Variants in FSTL4 observed in about 807,000 individuals in gnomAD.
FSTL4 encodes follistatin-related protein 4.
A neutral mutation model predicts 78.2 loss-of-function variants in FSTL4; 28 were observed. The ratio of observed to expected loss-of-function variants is 0.36; its 90% confidence interval spans 0.27 to 0.49. The LOEUF (loss-of-function observed/expected upper bound fraction) is 0.49. FSTL4 is among the 20% of genes least tolerant of loss of function. The pLI, the probability that FSTL4 is intolerant of heterozygous loss-of-function variation, is 0.98. For missense variants in FSTL4, 922 were observed against 1,084.9 expected (o/e 0.85, Z 2.11); for synonymous variants, 422 against 440.5 (o/e 0.96, Z 0.53).
chr5:133,813,236 A>G, the FSTL4 span, among the ~76,000 whole-genome samples: 1 of 152,278 alleles, frequency 6.6e-6, no homozygotes, highest in African/African-American at 2.4e-5. Context: ...AAAAAAATAA[A>G]CGTGAAATAA....
At chr5:133,799,643 G>A in the FSTL4 span, among the ~76,000 whole-genome samples, 3 of 138,646 alleles carry the variant, frequency 2.2e-5, 1 homozygote, top group East Asian at 5.9e-4. Flanking sequence ...CCCCCAGCAG[G>A]AGATGGTTGT....
At chr5:133,838,643 C>A in the FSTL4 span, among the ~76,000 whole-genome samples, 1 of 151,236 alleles carries the variant, frequency 6.6e-6, no homozygotes, top group Admixed American at 6.6e-5. Context: ...CTCCCTGTAA[C>A]TTGCTACCAC....
chr5:133,635,041 G>T, the FSTL4 span, among the ~76,000 whole-genome samples: 1 of 151,452 alleles, frequency 6.6e-6, no homozygotes, highest in Non-Finnish European at 1.5e-5. Context: ...TCCTCTACTT[G>T]GCATTTTATT....
chr5:133,712,098 G>C, the FSTL4 span, among the ~76,000 whole-genome samples: 1 of 152,172 alleles, frequency 6.6e-6, no homozygotes, highest in East Asian at 1.9e-4. Context: ...ACAACCAGAA[G>C]GATGAGCTAT....
chr5:133,222,181 C>G (rs545804732), intron 11 of FSTL4, among the ~76,000 whole-genome samples: 1 of 152,132 alleles, frequency 6.6e-6, no homozygotes, highest in East Asian at 1.9e-4. Context: ...GGCAGGAGGG[C>G]TCCTGCCACC....
chr5:133,233,313 G>A, intron 8 of FSTL4, 104 bp downstream of exon 8: 1 of 1,262,794 alleles, frequency 7.9e-7, no homozygotes, highest in Non-Finnish European at 1.1e-6. Flanking sequence ...TTTGGGGTTA[G>A]ATATTTCTTT....
chr5:133,648,554 A>G, the FSTL4 span, among the ~76,000 whole-genome samples: 1 of 152,160 alleles, frequency 6.6e-6, no homozygotes, highest in Non-Finnish European at 1.5e-5. Context: ...TGGTACATCC[A>G]ACACAATTCT....
In FSTL4 at chr5:133,455,368, C is replaced by G. The variant is rs550041920; in HGVS notation, c.161-54382G>C. On this transcript the variant is annotated intron_variant, in intron 3 of 15. Transcript: ENST00000265342. ...AATAATAGGCAAGGAAACGCTGAAC[C>G]CATAAGAATGAATGAGAGCATTTCT... Among the ~76,000 whole-genome samples the G allele has an allele frequency of 7.9e-5, 12 of 152,148 alleles. 1 individual carries two copies. The highest frequency in any genetic ancestry group is 2.6e-4 in the Admixed American group (4 of 15,292).
intron 3 of FSTL4, among the ~76,000 whole-genome samples, chr5:133,409,388 T>C (rs1404408056): frequency 6.6e-6 from 1 of 152,204 alleles, no homozygotes; most frequent in Non-Finnish European, 1.5e-5. Context: ...TTCTCCTCCT[T>C]CTGGGAGCCC....
At chr5:133,463,239 C>T (rs558170087) in intron 3 of FSTL4, among the ~76,000 whole-genome samples, 1 of 152,286 alleles carries the variant, frequency 6.6e-6, no homozygotes, top group Non-Finnish European at 1.5e-5. Flanking sequence ...TTTGCAGGGC[C>T]TAATCCTTGG....
intron 2 of FSTL4, among the ~76,000 whole-genome samples, chr5:133,582,834 T>C (rs1360455266): frequency 6.6e-6 from 1 of 152,176 alleles, no homozygotes; most frequent in East Asian, 1.9e-4. Flanking sequence ...GGGCCCTGTA[T>C]GTCCCTGGGC....
At chr5:133,752,486 G>A in the FSTL4 span, among the ~76,000 whole-genome samples, 26 of 152,172 alleles carry the variant, frequency 1.7e-4, no homozygotes, top group South Asian at 8.3e-4. Flanking sequence ...TTGTGGTGGC[G>A]GGTGCCTGTA....
intron 13 of FSTL4, among the ~76,000 whole-genome samples, chr5:133,215,736 G>C (rs1419670644): frequency 2.0e-5 from 3 of 152,202 alleles, no homozygotes; most frequent in Non-Finnish European, 4.4e-5. Context: ...GGTTCTAGGG[G>C]AGAGTATGGT....
At chr5:133,340,570 A>G (rs1160977843) in intron 4 of FSTL4, among the ~76,000 whole-genome samples, 1 of 152,214 alleles carries the variant, frequency 6.6e-6, no homozygotes, top group Non-Finnish European at 1.5e-5. Flanking sequence ...TAAATACCTT[A>G]GTCCCACGTC....
the FSTL4 span, among the ~76,000 whole-genome samples, chr5:133,696,673 T>C: frequency 6.6e-6 from 1 of 152,184 alleles, no homozygotes; most frequent in Non-Finnish European, 1.5e-5. Context: ...GATGGACAGA[T>C]AGACAGATTC....
At chr5:133,656,703 G>A in the FSTL4 span, among the ~76,000 whole-genome samples, 7 of 152,198 alleles carry the variant, frequency 4.6e-5, no homozygotes, top group African/African-American at 1.7e-4. Flanking sequence ...GCCAAGTAAG[G>A]ATGTGTGTGC....
intron 11 of FSTL4, 164 bp downstream of exon 11, chr5:133,224,026 T>G: frequency 1.8e-6 from 1 of 549,160 alleles, no homozygotes; most frequent in Non-Finnish European, 3.3e-6. Flanking sequence ...GAGTACATTT[T>G]AAATTTGATT....
the FSTL4 span, among the ~76,000 whole-genome samples, chr5:133,767,009 C>T: frequency 1.3e-5 from 2 of 152,160 alleles, no homozygotes; most frequent in African/African-American, 4.8e-5. Flanking sequence ...AAGGCAGAGG[C>T]TCTGGTGAGG....
rs927073587 is a variant in FSTL4, at chr5:133,316,723, T to C, written c.410-71A>G. On this transcript the variant is annotated intron_variant, in intron 4 of 15. Transcript: ENST00000265342. ...CTTGAGAGAACATTCTTGCCGCTGGTCCATTCATCTCACTCACAAATAGCC... is the reference window on the plus strand; with the variant it reads ...CTTGAGAGAACATTCTTGCCGCTGGCCCATTCATCTCACTCACAAATAGCC... 3.9e-6 allele frequency: 5 copies of C among 1,284,732 alleles called. No individual in the cohort carries two copies. In the African/African-American group the frequency reaches 7.4e-5, roughly 19 times the overall value. 79.6% of individuals were successfully genotyped at this position (1,284,732 alleles called of 1,614,324 possible).
Sources: gnomAD v4.1 joint callset for allele counts (sites outside exome capture counted in the v4.1 genomes callset) on GRCh38, gnomAD v4.1.1 for gene constraint, MANE v1.5 for transcripts, NCBI Gene and HGNC (gene_info 2026-07-23, HGNC 2026-07-21) for gene names.